ZNF385D: variants seen among roughly 807,000 people sequenced by gnomAD.
ZNF385D encodes zinc finger protein 385D.
In ZNF385D, 15 loss-of-function variants were observed where a neutral mutation model predicts 35.8. The observed-to-expected ratio is 0.42, with a 90% CI of 0.28 to 0.64. The LOEUF is 0.64. Among genes scored for constraint, ZNF385D ranks in the 30% least tolerant of loss-of-function variants. The pLI, the probability that ZNF385D is intolerant of heterozygous loss-of-function variation, is 0.23. For missense variants in ZNF385D, 474 were observed against 494.6 expected, an observed-to-expected ratio of 0.96 and a Z score of 0.39; for synonymous variants, 212 against 186.8, an observed-to-expected ratio of 1.13 and a Z score of -1.10.
chr3:21,594,243 C>T (rs2064065858), intron 2 of ZNF385D, among the ~76,000 whole-genome samples: 1 of 152,152 alleles, frequency 6.6e-6, no homozygotes, highest in Admixed American at 6.5e-5. Context: ...TTGCAGTATC[C>T]ATTTGTTCTC....
intron 3 of ZNF385D, among the ~76,000 whole-genome samples, chr3:21,974,571 T>A (rs1029878385): frequency 4.6e-5 from 7 of 151,942 alleles, no homozygotes; most frequent in Non-Finnish European, 7.4e-5. Flanking sequence ...AATGGACAAA[T>A]GGGTTCACAT....
intron 3 of ZNF385D, among the ~76,000 whole-genome samples, chr3:22,129,636 G>A (rs1037836426): frequency 2.0e-5 from 3 of 152,046 alleles, no homozygotes; most frequent in Non-Finnish European, 4.4e-5. Flanking sequence ...CTGTAGCCTG[G>A]ATATCACTGG....
intron 3 of ZNF385D, among the ~76,000 whole-genome samples, chr3:22,062,110 T>C (rs1699718851): frequency 6.6e-6 from 1 of 152,166 alleles, no homozygotes. Context: ...TAATCATGCC[T>C]CCCTGCAGCC....
At chr3:21,672,134 A>G (rs2066594895) in intron 1 of ZNF385D, among the ~76,000 whole-genome samples, 1 of 152,194 alleles carries the variant, frequency 6.6e-6, no homozygotes, top group African/African-American at 2.4e-5. Context: ...AACCTCAGTC[A>G]TCCAAACTCC....
intron 3 of ZNF385D, among the ~76,000 whole-genome samples, chr3:22,114,938 G>A (rs924370623): frequency 3.3e-5 from 5 of 151,960 alleles, no homozygotes; most frequent in African/African-American, 1.2e-4. Flanking sequence ...CAGCAAGAAG[G>A]GCCTCAACAG....
At chr3:21,978,506 A>T (rs563530680) in intron 3 of ZNF385D, among the ~76,000 whole-genome samples, 6 of 152,342 alleles carry the variant, frequency 3.9e-5, no homozygotes, top group South Asian at 2.1e-4. Context: ...TTCTGGTGTG[A>T]CTTAAGTTAT....
intron 3 of ZNF385D, among the ~76,000 whole-genome samples, chr3:21,770,534 A>G (rs2071031735): frequency 6.6e-6 from 1 of 152,192 alleles, no homozygotes; most frequent in Non-Finnish European, 1.5e-5. Context: ...CAAAACCACA[A>G]TGAGATACCA....
intron 3 of ZNF385D, chr3:21,849,754 T>C (rs183708611): frequency 3.3e-5 from 5 of 152,068 alleles, no homozygotes; most frequent in Admixed American, 6.6e-5. Flanking sequence ...TTTTTTCTAA[T>C]TGAATATTAT....
At chr3:22,207,235 C>T (rs1308806152) in intron 2 of ZNF385D, among the ~76,000 whole-genome samples, 1 of 151,904 alleles carries the variant, frequency 6.6e-6, no homozygotes, top group Non-Finnish European at 1.5e-5. Context: ...AATAGACACA[C>T]AGACCAATGG....
intron 3 of ZNF385D, among the ~76,000 whole-genome samples, chr3:21,798,139 A>G (rs2072237059): frequency 6.6e-6 from 1 of 152,192 alleles, no homozygotes; most frequent in Non-Finnish European, 1.5e-5. Context: ...GTATAGGAAT[A>G]TGGGAAATCT....
chr3:21,856,000 GATATAC>G (rs553910560), intron 3 of ZNF385D, among the ~76,000 whole-genome samples: 46 of 152,044 alleles, frequency 3.0e-4, no homozygotes, highest in African/African-American at 1.1e-3. Flanking sequence ...TATGTGTAAA[GATATAC>G]ATATATAGTA....
At chr3:21,804,776 G>C (rs1020630923) in intron 3 of ZNF385D, among the ~76,000 whole-genome samples, 1 of 93,386 alleles carries the variant, frequency 1.1e-5, no homozygotes, top group African/African-American at 4.6e-5. Flanking sequence ...GAGAGGTTAA[G>C]TAATTTGTTC....
intron 2 of ZNF385D, among the ~76,000 whole-genome samples, chr3:22,248,837 G>T (rs750315455): frequency 1.3e-5 from 2 of 152,114 alleles, no homozygotes; most frequent in African/African-American, 2.4e-5. Context: ...CACATCAGAA[G>T]TGATGCTCTA....
rs2063017407 is a variant in ZNF385D at position 21,563,195 on chromosome 3, T to C, written c.276+1379A>G. 3 of 152,230 alleles carry C rather than the reference T, an allele frequency of 2.0e-5. No homozygotes were observed. In the South Asian group the frequency reaches 6.2e-4, roughly 32 times the overall value. 9.4% of individuals were successfully genotyped at this position (152,230 alleles called of 1,614,324 possible). A position where few individuals can be genotyped will look rare whatever the true frequency, so the allele number is the denominator to read the frequency against. ...TAAAATAGCTTCAAGGGAGCTCCTT[T>C]ATCCCTTCCACCATGTGAAAATACA... On this transcript the variant is annotated intron_variant, in intron 3 of 7. Coordinates refer to ENST00000281523, the MANE Select transcript of ZNF385D (RefSeq NM_024697.3).
At chr3:21,884,024 T>C (rs1413857264) in intron 3 of ZNF385D, among the ~76,000 whole-genome samples, 2 of 152,006 alleles carry the variant, frequency 1.3e-5, no homozygotes, top group South Asian at 2.1e-4. Flanking sequence ...CTAAGGCTTT[T>C]AGAGCTGACA....
intron 2 of ZNF385D, among the ~76,000 whole-genome samples, chr3:22,289,301 G>T (rs1702176071): frequency 1.3e-5 from 2 of 152,126 alleles, no homozygotes; most frequent in Non-Finnish European, 1.5e-5. Context: ...GGTGGGTAGG[G>T]AGTCAATTCA....
chr3:21,559,865 A>T (rs2062876350), intron 3 of ZNF385D, among the ~76,000 whole-genome samples: 2 of 151,962 alleles, frequency 1.3e-5, no homozygotes, highest in Admixed American at 1.3e-4. Context: ...GTTTCTTTTC[A>T]TTCTTTTTTC....
chr3:21,480,220 A>G (rs945853943), intron 4 of ZNF385D, among the ~76,000 whole-genome samples: 2 of 150,270 alleles, frequency 1.3e-5, no homozygotes, highest in African/African-American at 4.9e-5. Flanking sequence ...CTCCTGCCTC[A>G]GCCTCCCAAG....
intron 3 of ZNF385D, among the ~76,000 whole-genome samples, chr3:22,129,584 G>A (rs1703653008): frequency 1.3e-5 from 2 of 152,160 alleles, no homozygotes; most frequent in Non-Finnish European, 2.9e-5. Context: ...TCCTGAAGCA[G>A]AATCTCTGCC....
Sources: gnomAD v4.1 joint callset for allele counts (sites outside exome capture counted in the v4.1 genomes callset) on GRCh38, gnomAD v4.1.1 for gene constraint, MANE v1.5 for transcripts, NCBI Gene and HGNC (gene_info 2026-07-23, HGNC 2026-07-21) for gene names.